Variants in SMPDL3A observed in about 807,000 individuals in gnomAD.
SMPDL3A encodes sphingomyelin phosphodiesterase acid like 3A, also known as cyclic GMP-AMP phosphodiesterase SMPDL3A.
Under a neutral mutation model 38.5 loss-of-function variants are expected in SMPDL3A, and 39 were observed. The observed-to-expected ratio is 1.01, with a 90% CI of 0.78 to 1.32. SMPDL3A has a LOEUF of 1.32. Among genes scored for constraint, SMPDL3A ranks in the 40% most tolerant of loss-of-function variants. The pLI, the probability that SMPDL3A is intolerant of heterozygous loss-of-function variation, is 0.00. For missense variants in SMPDL3A, 502 were observed against 536.2 expected (o/e 0.94, Z 0.63); for synonymous variants, 180 against 194.3 (o/e 0.93, Z 0.61).
intron 1 of SMPDL3A, 39 bp from the exon 2 acceptor site, chr6:122,795,638 A>C (rs1781220603): frequency 6.8e-7 from 1 of 1,464,548 alleles, no homozygotes; most frequent in Admixed American, 1.7e-5. Flanking sequence ...TCCAAAAGAG[A>C]ACAAGTAGAT....
chr6:122,801,789 G>A (rs760700621), intron 4 of SMPDL3A, among the ~76,000 whole-genome samples: 1 of 152,360 alleles, frequency 6.6e-6, no homozygotes, highest in Non-Finnish European at 1.5e-5. Flanking sequence ...AGCTGGTAAA[G>A]TGAGGATAAC....
In SMPDL3A at chr6:122,789,425, C is replaced by T. The variant is rs748434683; in HGVS notation, c.79C>T (p.Pro27Ser). ...CRSGLGLPVA[P>S]AGGRNPPPAI... ...CTCCGGCCTCGGGCTGCCCGTGGCG[C>T]CCGCAGGCGGCAGGAATCCTCCTCC... Residue 27 changes from proline (P) to serine (S), a missense_variant, in exon 1 of 8, where the codon CCC becomes TCC. Pro to Ser is a moderately conservative substitution (Grantham distance 74). Coordinates refer to ENST00000368440, the MANE Select transcript of SMPDL3A (RefSeq NM_006714.5). The T allele has an allele frequency of 6.5e-7, 1 of 1,549,418 alleles. No homozygotes were observed.
At position 122,789,472 on chromosome 6, in the gene SMPDL3A, G is replaced by T. The variant is rs1475604332; in HGVS notation, c.112+14G>T. The T allele has an allele frequency of 1.3e-5, 20 of 1,540,512 alleles. No individual in the cohort carries two copies. The highest frequency in any genetic ancestry group is 1.7e-4 in the Middle Eastern group (1 of 5,982). The stretch of plus-strand genomic sequence containing the variant: ...CTCCGGCGATAGGTGAGTTGTCCGC[G>T]ACCCTTCTCTTCCCAGCCGGCAAAG... On this transcript the variant is annotated intron_variant, in intron 1 of 7. Coordinates refer to ENST00000368440, the MANE Select transcript of SMPDL3A (RefSeq NM_006714.5).
Position 122,803,780 on chromosome 6 carries a change from C to A in SMPDL3A, c.685C>A (p.Gln229Lys), listed in dbSNP as rs775137924. The change falls in exon 5 of 8, where the codon CAG (glutamine) becomes AAG (lysine). Residue 229 changes from glutamine (Q) to lysine (K), a missense_variant. Transcript: ENST00000368440. Reference protein sequence around the residue: ...MTLNKTDPANQFEWLESTLNN... With the variant: ...MTLNKTDPANKFEWLESTLNN... Reference sequence around the variant, plus strand: ...ACTGAACAAGACTGACCCAGCCAACCAGTTTGAATGGCTAGAAAGTACATT... The same window carrying A: ...ACTGAACAAGACTGACCCAGCCAACAAGTTTGAATGGCTAGAAAGTACATT... The A allele has an allele frequency of 6.2e-7, 1 of 1,614,020 alleles. No homozygotes were observed. Among genetic ancestry groups the A allele is most frequent in the South Asian group, 1.1e-5 (1 of 91,072 alleles).
At chr6:122,798,081 T>C (rs1562350391) in intron 3 of SMPDL3A, among the ~76,000 whole-genome samples, 1 of 152,236 alleles carries the variant, frequency 6.6e-6, no homozygotes, top group Non-Finnish European at 1.5e-5. Flanking sequence ...TTAGAATATC[T>C]TCCATCTCAT....
At position 122,794,657 on chromosome 6, in the gene SMPDL3A, A is replaced by C. The variant is rs149123432; in HGVS notation, c.113-1020A>C. 1.1e-3 allele frequency among the ~76,000 whole-genome samples: 170 copies of C among 152,286 alleles called. 1 individual carries two copies. Among genetic ancestry groups the C allele is most frequent in the African/African-American group, 3.9e-3 (164 of 41,562 alleles). ...TGATTTCCAAGTAAGGGTGCTATCA[A>C]ATGGGCTTGGCTGCTTCCTAAAAAC... On this transcript the variant is annotated intron_variant, in intron 1 of 7. Transcript: ENST00000368440.
At chr6:122,789,932 C>T in intron 1 of SMPDL3A, 1 of 923,416 alleles carries the variant, frequency 1.1e-6, no homozygotes, top group East Asian at 1.2e-4. Context: ...GTGACTCACA[C>T]TATCTTCTGT....
Position 122,789,455 on chromosome 6 carries a change from A to G in SMPDL3A, c.109A>G (p.Ile37Val). ...PAGGRNPPPA[I>V]GQFWHVTDLH... ...AGGCGGCAGGAATCCTCCTCCGGCG[A>G]TAGGTGAGTTGTCCGCGACCCTTCT... Residue 37 changes from isoleucine to valine, a missense_variant, in exon 1 of 8, where the codon ATA becomes GTA. Transcript: ENST00000368440. 2 of 1,548,360 alleles carry G rather than the reference A, an allele frequency of 1.3e-6. No individual in the cohort carries two copies. The highest frequency in any genetic ancestry group is 2.4e-5 in the East Asian group (1 of 40,850).
Position 122,805,030 on chromosome 6 carries a change from C to A in SMPDL3A, c.860C>A (p.Ala287Glu), listed in dbSNP as rs758942649. The A allele has an allele frequency of 7.4e-6, 12 of 1,612,936 alleles. No homozygotes were observed. Among genetic ancestry groups the A allele is most frequent in the Non-Finnish European group, 1.0e-5 (12 of 1,179,654 alleles). Residue 287 changes from alanine to glutamate, a missense_variant, in exon 6 of 8, where the codon GCA (alanine) becomes GAA (glutamate). Ala to Glu is a moderately radical substitution (Grantham distance 107). Coordinates refer to ENST00000368440, the MANE Select transcript of SMPDL3A (RefSeq NM_006714.5). ...TTTCAAAAATACAGTGATGTCATTG[C>A]AGGACAATTTTATGGACACACTCAC... Reference protein sequence around the residue: ...DIFQKYSDVIAGQFYGHTHRD... With the variant: ...DIFQKYSDVIEGQFYGHTHRD...
chr6:122,802,028 T>C (rs1781441929), intron 4 of SMPDL3A, among the ~76,000 whole-genome samples: 1 of 152,204 alleles, frequency 6.6e-6, no homozygotes. Flanking sequence ...GCTAGACTTC[T>C]CTCAGTTAAA....
At chr6:122,802,228 T>G (rs1781450465) in intron 4 of SMPDL3A, among the ~76,000 whole-genome samples, 1 of 145,184 alleles carries the variant, frequency 6.9e-6, no homozygotes, top group African/African-American at 2.5e-5. Context: ...TAAGATGGAG[T>G]TCCACTCTTG....
chr6:122,802,195 C>CTTTTTTTT (rs3031702), intron 4 of SMPDL3A, among the ~76,000 whole-genome samples: 2 of 123,560 alleles, frequency 1.6e-5, no homozygotes, highest in African/African-American at 2.9e-5. Flanking sequence ...TATATCTAGT[C>CTTTTTTTT]TTTTTTTTTT....
intron 1 of SMPDL3A, among the ~76,000 whole-genome samples, chr6:122,791,384 T>C (rs553145058): frequency 6.6e-6 from 1 of 152,200 alleles, no homozygotes; most frequent in Non-Finnish European, 1.5e-5. Flanking sequence ...GTGAATGAAC[T>C]GTAACCTAGC....
chr6:122,809,317 G>A lies in SMPDL3A; in HGVS notation c.1271G>A (p.Cys424Tyr). ...YDSSVTCDKT[C>Y]KAFQICAIMN... ...AGCAGTGTAACATGTGATAAGACATGTAAGGCCTTTCAGATTTGTGCAATT... is the reference window on the plus strand; with the variant it reads ...AGCAGTGTAACATGTGATAAGACATATAAGGCCTTTCAGATTTGTGCAATT... The change falls in exon 8 of 8, where the codon TGT becomes TAT. Residue 424 changes from cysteine (C) to tyrosine (Y), a missense_variant. Physicochemically the swap from Cys to Tyr is radical, Grantham distance 194. Coordinates refer to ENST00000368440, the MANE Select transcript of SMPDL3A (RefSeq NM_006714.5). The A allele has an allele frequency of 6.2e-7, 1 of 1,613,908 alleles. No homozygotes were observed. Among genetic ancestry groups the A allele is most frequent in the East Asian group, 2.2e-5 (1 of 44,860 alleles).
At chr6:122,798,224 GATGAGTAAT>G in intron 3 of SMPDL3A, among the ~76,000 whole-genome samples, 1 of 152,246 alleles carries the variant, frequency 6.6e-6, no homozygotes, top group East Asian at 1.9e-4. Context: ...ACTATCTTGA[GATGAGTAAT>G]ATGTGAGTCC....
chr6:122,794,529 G>A lies in SMPDL3A; in HGVS notation c.113-1148G>A, dbSNP rs539620498. Among the ~76,000 whole-genome samples the A allele has an allele frequency of 2.8e-4, 42 of 152,212 alleles. No individual in the cohort carries two copies. The South Asian group carries it at 3.9e-3, about 14-fold the overall frequency. The stretch of plus-strand genomic sequence containing the variant: ...GAAGAATCGCTTGAACCCGGGAGGT[G>A]GAGGTGGCAGTGAGCCAAGATCACG... On this transcript the variant is annotated intron_variant, in intron 1 of 7. Transcript: ENST00000368440.
At chr6:122,808,656 C>T (rs1413642011) in intron 7 of SMPDL3A, among the ~76,000 whole-genome samples, 1 of 82,718 alleles carries the variant, frequency 1.2e-5, no homozygotes, top group African/African-American at 4.7e-5. Flanking sequence ...CCCTCCTCCC[C>T]CCTCCCTCCC....
In SMPDL3A at chr6:122,794,611, CA is replaced by C. The variant is rs560581701; in HGVS notation, c.113-1057del. On this transcript the variant is annotated intron_variant, in intron 1 of 7. Transcript: ENST00000368440. ...GACTCCATCTCAAAAAAAACACACACAAAAAAAAACTTTCTTAAGATGATTT... is the reference window on the plus strand; with the variant it reads ...GACTCCATCTCAAAAAAAACACACACAAAAAAAACTTTCTTAAGATGATTT... Among the ~76,000 whole-genome samples the C allele has an allele frequency of 1.2e-3, 176 of 151,070 alleles. 1 individual carries two copies. Among genetic ancestry groups the C allele is most frequent in the African/African-American group, 3.9e-3 (162 of 41,238 alleles).
chr6:122,800,515 A>T lies in SMPDL3A; in HGVS notation c.472-795A>T, dbSNP rs1342495870. On this transcript the variant is annotated intron_variant, in intron 3 of 7. Transcript: ENST00000368440. ...ATCTCTTTAATGAGCACACTCCCACATCCTTCCCATATCCTAGCCATGCTA... is the reference window on the plus strand; with the variant it reads ...ATCTCTTTAATGAGCACACTCCCACTTCCTTCCCATATCCTAGCCATGCTA... 7.9e-5 allele frequency among the ~76,000 whole-genome samples: 12 copies of T among 152,296 alleles called. No homozygotes were observed. In the East Asian group the frequency reaches 1.2e-3, roughly 15 times the overall value.
Sources: gnomAD v4.1 joint callset for allele counts (sites outside exome capture counted in the v4.1 genomes callset) on GRCh38, gnomAD v4.1.1 for gene constraint, MANE v1.5 for transcripts, NCBI Gene and HGNC (gene_info 2026-07-23, HGNC 2026-07-21) for gene names.